The following PLCH1 variants were observed in gnomAD, a reference collection of about 807,000 sequenced individuals.
The protein encoded by PLCH1 is phospholipase C eta 1, also known as 1-phosphatidylinositol 4,5-bisphosphate phosphodiesterase eta-1.
A neutral mutation model predicts 126.7 loss-of-function variants in PLCH1; 60 were observed. That is an observed-to-expected ratio of 0.47 (90% CI 0.38 to 0.59). PLCH1 has a LOEUF of 0.59. Ranked by LOEUF, PLCH1 falls within the 20% of genes least tolerant of loss-of-function variation. PLCH1 has a pLI of 0.00. For missense variants in PLCH1, 1,723 were observed against 2,040.0 expected (o/e 0.84, Z 2.99); for synonymous variants, 719 against 734.9 (o/e 0.98, Z 0.35).
At chr3:155,471,963 C>T (rs1051805367) in intron 21 of PLCH1, among the ~76,000 whole-genome samples, 18 of 151,916 alleles carry the variant, frequency 1.2e-4, no homozygotes, top group South Asian at 2.1e-4. Context: ...TAAATGCCCA[C>T]AAGAGAAAGC....
chr3:155,606,869 T>C (rs531214921), intron 2 of PLCH1, among the ~76,000 whole-genome samples: 14 of 152,350 alleles, frequency 9.2e-5, no homozygotes, highest in Non-Finnish European at 1.8e-4. Flanking sequence ...GGATCTTTAA[T>C]CCCTGGTGAT....
At chr3:155,605,265 T>C (rs1213398877) in intron 2 of PLCH1, among the ~76,000 whole-genome samples, 1 of 152,164 alleles carries the variant, frequency 6.6e-6, no homozygotes, top group Non-Finnish European at 1.5e-5. Flanking sequence ...AGCCCTTGGG[T>C]GAGTTTTGTC....
At chr3:155,488,191 C>A (rs2108055521) in intron 20 of PLCH1, 84 bp from the exon 21 acceptor site, 2 of 757,620 alleles carry the variant, frequency 2.6e-6, no homozygotes, top group Non-Finnish European at 4.6e-6. Context: ...AAGTATCTGA[C>A]TTGACTGTAG....
At position 155,734,243 on chromosome 3, in the gene PLCH1, G is replaced by T. The variant is rs1393417029; in HGVS notation, c.-41+10597C>A. ...GGAGGCCAAGGTGGGAGGATCACTT[G>T]AGCCCAGGAGTTCAAGATCAGCCCA... On this transcript the variant is annotated intron_variant, in intron 1 of 22. Transcript: ENST00000460012. 2.0e-5 allele frequency among the ~76,000 whole-genome samples: 3 copies of T among 151,972 alleles called. No individual in the cohort carries two copies. The South Asian group carries it at 6.2e-4, about 32-fold the overall frequency.
In PLCH1 at chr3:155,526,489, T is replaced by TACACACAC. The variant is rs35144196; in HGVS notation, c.1363-2493_1363-2486dup. Among the ~76,000 whole-genome samples, 481 of 126,656 alleles carry TACACACAC rather than the reference T, an allele frequency of 3.8e-3. 9 individuals carry two copies. The highest frequency in any genetic ancestry group is 0.012 in the African/African-American group (414 of 35,396). 83.1% of individuals were successfully genotyped at this position (126,656 alleles called of 152,430 possible). The stretch of plus-strand genomic sequence containing the variant: ...TTCTCTCTTCTTTCTCTCTCTCTCA[T>TACACACAC]ACACACACACACACACACACACACA... On this transcript the variant is annotated intron_variant, in intron 10 of 22. Transcript: ENST00000460012.
intron 8 of PLCH1, among the ~76,000 whole-genome samples, chr3:155,556,860 G>A (rs1407470578): frequency 1.3e-5 from 2 of 152,160 alleles, no homozygotes; most frequent in East Asian, 3.9e-4. Context: ...ATCAGACAAC[G>A]AATCTCAATC....
intron 21 of PLCH1, among the ~76,000 whole-genome samples, chr3:155,458,110 G>T (rs1295738685): frequency 6.6e-6 from 1 of 152,090 alleles, no homozygotes; most frequent in Non-Finnish European, 1.5e-5. Flanking sequence ...GGGAGGCCAA[G>T]GCAGGCAGAT....
intron 10 of PLCH1, among the ~76,000 whole-genome samples, chr3:155,525,892 A>G (rs1261328159): frequency 6.6e-6 from 1 of 152,212 alleles, no homozygotes; most frequent in Non-Finnish European, 1.5e-5. Flanking sequence ...TCTTTATAAC[A>G]GTACTATGAG....
In PLCH1 at chr3:155,492,718, A is replaced by T. The variant is rs763033447; in HGVS notation, c.2307+11T>A. On this transcript the variant is annotated intron_variant, in intron 18 of 22. Transcript: ENST00000460012. ...ATTAACCACTTAGACACGTAGTCAT[A>T]GGCAACTTACCTCGCCTCGATCTCC... is the stretch of plus-strand genomic sequence containing the variant. The T allele has an allele frequency of 1.3e-6, 2 of 1,557,328 alleles. No individual in the cohort carries two copies. Among genetic ancestry groups the T allele is most frequent in the Non-Finnish European group, 1.7e-6 (2 of 1,155,762 alleles).
At chr3:155,474,498 C>T (rs1324029823) in intron 21 of PLCH1, among the ~76,000 whole-genome samples, 1 of 116,932 alleles carries the variant, frequency 8.6e-6, no homozygotes, top group Non-Finnish European at 1.7e-5. Flanking sequence ...ACTAGTTCAA[C>T]CATTGTGGAA....
intron 8 of PLCH1, among the ~76,000 whole-genome samples, chr3:155,556,475 GT>G (rs1726840710): frequency 6.6e-6 from 1 of 152,088 alleles, no homozygotes; most frequent in African/African-American, 2.4e-5. Context: ...AGATATCTCT[GT>G]TTTTCTTTTA....
At chr3:155,626,157 G>A (rs12486541) in intron 2 of PLCH1, among the ~76,000 whole-genome samples, 73,823 of 151,744 alleles carry the variant, frequency 0.49, 20,339 homozygotes, top group African/African-American at 0.74. Context: ...GTTCTCATTC[G>A]TAAGTGGGAG....
intron 2 of PLCH1, among the ~76,000 whole-genome samples, chr3:155,687,948 ACTACTAC>A (rs1180303014): frequency 8.5e-5 from 13 of 152,254 alleles, no homozygotes; most frequent in African/African-American, 3.1e-4. Context: ...CAGAGTCAAC[ACTACTAC>A]CTAGTAAATT....
rs190868717 is a variant in PLCH1, at chr3:155,642,809, T to C, written c.80-46431A>G. 8.5e-5 allele frequency among the ~76,000 whole-genome samples: 13 copies of C among 152,370 alleles called. 1 individual carries two copies. The East Asian group carries it at 1.7e-3, about 20-fold the overall frequency. On this transcript the variant is annotated intron_variant, in intron 2 of 22. Transcript: ENST00000460012. ...GAAGTCTTGAACTTCCTGATATCCA[T>C]GTCTTTGGGTAGTGTCCTCCTACAT...
intron 7 of PLCH1, among the ~76,000 whole-genome samples, chr3:155,565,784 C>T (rs1728281853): frequency 1.3e-5 from 2 of 151,668 alleles, no homozygotes; most frequent in African/African-American, 4.8e-5. Context: ...CAACCTCCGC[C>T]TCCCAGGTTC....
downstream of PLCH1, among the ~76,000 whole-genome samples, chr3:155,475,266 T>C (rs1306015897): frequency 2.6e-5 from 4 of 151,900 alleles, no homozygotes; most frequent in Admixed American, 6.6e-5. Flanking sequence ...CTACAGGATC[T>C]AGAAAACGAT....
chr3:155,725,684 C>T (rs1363293521), intron 1 of PLCH1, among the ~76,000 whole-genome samples: 2 of 152,140 alleles, frequency 1.3e-5, no homozygotes, highest in Non-Finnish European at 2.9e-5. Context: ...AGGTGATCTG[C>T]CCGCCTCAGC....
chr3:155,640,597 T>A (rs1739287564), intron 2 of PLCH1, among the ~76,000 whole-genome samples: 1 of 152,210 alleles, frequency 6.6e-6, no homozygotes, highest in Non-Finnish European at 1.5e-5. Flanking sequence ...GTTGCTCATG[T>A]GTAATGCTGC....
At chr3:155,637,694 A>G (rs1738901846) in intron 2 of PLCH1, among the ~76,000 whole-genome samples, 1 of 152,176 alleles carries the variant, frequency 6.6e-6, no homozygotes, top group Non-Finnish European at 1.5e-5. Context: ...TTAATATTGA[A>G]GATTAGGAAA....
Sources: allele counts gnomAD v4.1 joint callset (sites outside exome capture counted in the v4.1 genomes callset), GRCh38; gene constraint gnomAD v4.1.1; transcripts MANE v1.5; gene names NCBI Gene and HGNC (gene_info 2026-07-23, HGNC 2026-07-21).